GREB1: variants seen among roughly 807,000 people sequenced by gnomAD.
GREB1 encodes the protein growth regulating estrogen receptor binding 1, also known as protein GREB1.
In GREB1, 106 loss-of-function variants were observed where a neutral mutation model predicts 200.7. The ratio of observed to expected loss-of-function variants is 0.53; its 90% CI spans 0.45 to 0.62. The LOEUF (loss-of-function observed/expected upper bound fraction) is 0.62. GREB1 is among the 20% of genes least tolerant of loss of function. The pLI, the probability that GREB1 is intolerant of heterozygous loss-of-function variation, is 0.00. For synonymous variants in GREB1, 1,132 were observed against 1,092.4 expected (o/e 1.04, Z -0.72); for missense variants, 2,243 against 2,556.8 (o/e 0.88, Z 2.65).
intron 1 of GREB1, chr2:11,517,626 A>G (rs1265350511): frequency 6.6e-6 from 1 of 152,166 alleles, no homozygotes; most frequent in Non-Finnish European, 1.5e-5. Flanking sequence ...CTTGTTTGTT[A>G]CATTTCACAA....
In GREB1 at chr2:11,597,583, A is replaced by G. The variant is rs1282811537; in HGVS notation, c.1955-198A>G. The stretch of plus-strand genomic sequence containing the variant: ...TATTATTAAGTGAAAGATGGTGCAT[A>G]AAATGATTGCTACCCCCACACCCGC... On this transcript the variant is annotated intron_variant, in intron 13 of 32. Transcript: ENST00000381486. This position sits in a 1 kb window ranked among gnomAD's most constrained non-coding sequence, Gnocchi z 4.1. Among the ~76,000 whole-genome samples, 1 of 152,174 alleles carries G rather than the reference A, an allele frequency of 6.6e-6. No homozygotes were observed. The highest frequency in any genetic ancestry group is 1.9e-4 in the East Asian group (1 of 5,194).
chr2:11,606,753 A>G (rs1682328936), intron 17 of GREB1, among the ~76,000 whole-genome samples: 3 of 129,266 alleles, frequency 2.3e-5, no homozygotes. Context: ...ATTTGATTTT[A>G]GTTTCATTAT....
chr2:11,484,045 T>C (rs1408018398), intron 1 of GREB1, among the ~76,000 whole-genome samples: 1 of 152,168 alleles, frequency 6.6e-6, no homozygotes, highest in Non-Finnish European at 1.5e-5. Flanking sequence ...GAGTTAGACA[T>C]GGGGATTCTG....
At chr2:11,553,133 A>AT (rs1477776060) in intron 1 of GREB1, among the ~76,000 whole-genome samples, 1 of 151,186 alleles carries the variant, frequency 6.6e-6, no homozygotes, top group Non-Finnish European at 1.5e-5. Context: ...AGTGGTATTT[A>AT]TTTTTTCTTT....
Position 11,618,293 on chromosome 2 carries a change from G to A in GREB1, c.3418G>A (p.Ala1140Thr). The change falls in exon 22 of 33, where the codon GCG becomes ACG. Residue 1140 changes from alanine (A) to threonine (T), a missense_variant. Ala to Thr is a moderately conservative substitution (Grantham distance 58). Around this residue, in one of 3 missense-constraint regions of GREB1, gnomAD observed 587 missense variants for 553.1 expected, o/e 1.06. Coordinates refer to ENST00000381486, the MANE Select transcript of GREB1 (RefSeq NM_014668.4). ...SSLSSKASGS[A>T]LGGESSAQPT... is the part of the protein sequence containing the mutation. The stretch of plus-strand genomic sequence containing the variant: ...CCATGTTCGTCTCTCCTCAGGTTCA[G>A]CGCTCGGTGGCGAGTCCTCGGCTCA... 8 of 1,559,948 alleles carry A rather than the reference G, an allele frequency of 5.1e-6. No homozygotes were observed. The highest frequency in any genetic ancestry group is 1.2e-5 in the South Asian group (1 of 83,726).
chr2:11,511,699 C>T (rs535575179), intron 1 of GREB1, among the ~76,000 whole-genome samples: 1 of 152,260 alleles, frequency 6.6e-6, no homozygotes, highest in Admixed American at 6.5e-5. Context: ...AGACCCTGAG[C>T]TTAGGGGAAT....
rs1269722333 is a variant in GREB1 at position 11,610,864 on chromosome 2, T to C, written c.2843T>C (p.Leu948Pro). 1 of 1,613,280 alleles carries C rather than the reference T, an allele frequency of 6.2e-7. No individual in the cohort carries two copies. Among genetic ancestry groups the C allele is most frequent in the Admixed American group, 1.7e-5 (1 of 60,032 alleles). ...AAGCAGTGCCCCTGCGGCCACGGGC[T>C]CATGGTCCTGCTGCGGGTGCCCTGT... Reference protein sequence around the residue: ...SPKQCPCGHGLMVLLRVPCSP... With the variant: ...SPKQCPCGHGPMVLLRVPCSP... Residue 948 changes from leucine (L) to proline (P), a missense_variant, in exon 18 of 33, where the codon CTC (leucine) becomes CCC (proline). Around this residue, in one of 3 missense-constraint regions of GREB1, gnomAD observed 1,178 missense variants for 1,387.4 expected, o/e 0.85. Coordinates refer to ENST00000381486, the MANE Select transcript of GREB1 (RefSeq NM_014668.4).
At chr2:11,556,405 A>G in intron 1 of GREB1, 49 bp from the exon 2 acceptor site, 1 of 462,446 alleles carries the variant, frequency 2.2e-6, no homozygotes, top group Non-Finnish European at 3.8e-6. Context: ...GCTGAGTGCT[A>G]AATTAGAGAA....
intron 3 of GREB1, 132 bp downstream of exon 3, chr2:11,562,714 G>T: frequency 8.8e-7 from 1 of 1,130,534 alleles, no homozygotes; most frequent in Non-Finnish European, 1.2e-6. Flanking sequence ...TTTCCCTGAG[G>T]TGTGAGCCAT....
At chr2:11,489,908 TTATTATA>T (rs1400038767) in intron 1 of GREB1, among the ~76,000 whole-genome samples, 3 of 151,082 alleles carry the variant, frequency 2.0e-5, no homozygotes, top group Admixed American at 2.0e-4. Context: ...CAGAACCGTA[TTATTATA>T]TATTATAATT....
At chr2:11,561,196 T>TTC (rs1676986078) in intron 2 of GREB1, 1 of 152,064 alleles carries the variant, frequency 6.6e-6, no homozygotes, top group Non-Finnish European at 1.5e-5. Flanking sequence ...CTTCCTACAT[T>TTC]GCTTCTCGGC....
At chr2:11,596,595 CGGG>C (rs1681255889) in intron 13 of GREB1, among the ~76,000 whole-genome samples, 1 of 15,436 alleles carries the variant, frequency 6.5e-5, no homozygotes, top group Non-Finnish European at 1.1e-4. Context: ...TGTACAGTGA[CGGG>C]GGTGGGGCAC....
intron 1 of GREB1, among the ~76,000 whole-genome samples, chr2:11,485,826 T>C (rs1252374076): frequency 2.6e-5 from 4 of 152,206 alleles, no homozygotes; most frequent in Non-Finnish European, 4.4e-5. Context: ...ATTTGAATTA[T>C]TTAGAGATTC....
chr2:11,514,907 A>T (rs1673443207), intron 1 of GREB1, among the ~76,000 whole-genome samples: 1 of 152,170 alleles, frequency 6.6e-6, no homozygotes, highest in Non-Finnish European at 1.5e-5. Context: ...AAGAGCTATT[A>T]GTTGAATCCA....
At chr2:11,583,220 T>C (rs1277027042) in intron 7 of GREB1, among the ~76,000 whole-genome samples, 1 of 152,188 alleles carries the variant, frequency 6.6e-6, no homozygotes, top group Non-Finnish European at 1.5e-5. Flanking sequence ...CTTCAATCCT[T>C]ACTGAGATCC....
At chr2:11,637,370 C>T (rs1487576365) in intron 30 of GREB1, among the ~76,000 whole-genome samples, 1 of 152,042 alleles carries the variant, frequency 6.6e-6, no homozygotes, top group African/African-American at 2.4e-5. Context: ...GGGATGGGGA[C>T]AGGACCTTTG....
At chr2:11,568,113 A>G (rs1677874588) in intron 4 of GREB1, among the ~76,000 whole-genome samples, 1 of 152,216 alleles carries the variant, frequency 6.6e-6, no homozygotes, top group South Asian at 2.1e-4. Flanking sequence ...AATTTATGGG[A>G]AAAACTTCTA....
chr2:11,494,059 G>A (rs1317472253), intron 1 of GREB1, among the ~76,000 whole-genome samples: 1 of 152,200 alleles, frequency 6.6e-6, no homozygotes, highest in Non-Finnish European at 1.5e-5. Flanking sequence ...CCAGAGTGTG[G>A]TACCCATTGT....
At chr2:11,496,895 G>A (rs1672903945) in intron 1 of GREB1, among the ~76,000 whole-genome samples, 1 of 151,938 alleles carries the variant, frequency 6.6e-6, no homozygotes, top group South Asian at 2.1e-4. Context: ...TCATTGTGTT[G>A]CCCAGGCTGA....
Sources: gnomAD v4.1 joint callset for allele counts (sites outside exome capture counted in the v4.1 genomes callset) on GRCh38, gnomAD v4.1.1 for gene constraint, gnomAD v4.1.1 regional missense constraint, Gnocchi (gnomAD v3.1) non-coding constraint, MANE v1.5 for transcripts, NCBI Gene and HGNC (gene_info 2026-07-23, HGNC 2026-07-21) for gene names.